MTCL1: variants seen among roughly 807,000 people sequenced by gnomAD.
MTCL1 encodes microtubule crosslinking factor 1, also known as microtubule cross-linking factor 1.
MTCL1 carries 79 observed loss-of-function variants against 141.4 expected under a neutral mutation model. That is an observed-to-expected ratio of 0.56 (90% CI 0.47 to 0.67). The LOEUF is 0.67. MTCL1 is among the 30% of genes least tolerant of loss of function. MTCL1 has a pLI of 0.00. For missense variants in MTCL1, 2,177 were observed against 2,113.9 expected (o/e 1.03, Z -0.59); for synonymous variants, 914 against 875.8 (o/e 1.04, Z -0.77).
At chr18:8,803,903 G>A (rs939310397) in intron 10 of MTCL1, among the ~76,000 whole-genome samples, 9 of 152,208 alleles carry the variant, frequency 5.9e-5, no homozygotes, top group Non-Finnish European at 1.5e-5. Context: ...CTAATGTCAT[G>A]TGGTGTATGG....
intron 4 of MTCL1, among the ~76,000 whole-genome samples, chr18:8,761,563 G>A (rs1001276594): frequency 3.9e-5 from 6 of 152,062 alleles, no homozygotes; most frequent in Admixed American, 3.9e-4. Context: ...TCTATTCTGG[G>A]TATCTCATAT....
At chr18:8,763,402 T>C (rs1380470781) in intron 4 of MTCL1, among the ~76,000 whole-genome samples, 1 of 152,228 alleles carries the variant, frequency 6.6e-6, no homozygotes, top group Non-Finnish European at 1.5e-5. Flanking sequence ...TCTCTCCTCA[T>C]TTTTTCCAAT....
chr18:8,824,796 G>T, exon 15 of MTCL1: 1 of 1,614,166 alleles, frequency 6.2e-7, no homozygotes, highest in Non-Finnish European at 8.5e-7. Flanking sequence ...CAGCAAGGAG[G>T]ATGTCACCCC....
chr18:8,748,381 C>CA (rs2096352259), intron 4 of MTCL1, among the ~76,000 whole-genome samples: 1 of 152,028 alleles, frequency 6.6e-6, no homozygotes, highest in African/African-American at 2.4e-5. Context: ...CCATCTCTAC[C>CA]AAAATTTAAA....
chr18:8,831,792 A>G, exon 17 of MTCL1: 1 of 1,549,674 alleles, frequency 6.5e-7, no homozygotes, highest in Non-Finnish European at 8.7e-7. Flanking sequence ...AGGAGCAGCC[A>G]CACCGAGATG....
At chr18:8,751,806 A>G (rs1171720134) in intron 4 of MTCL1, among the ~76,000 whole-genome samples, 1 of 152,212 alleles carries the variant, frequency 6.6e-6, no homozygotes, top group Non-Finnish European at 1.5e-5. Context: ...AAATGCTCTG[A>G]GTTGGGGCAG....
intron 11 of MTCL1, among the ~76,000 whole-genome samples, chr18:8,811,856 T>C (rs1014425302): frequency 1.3e-5 from 2 of 152,222 alleles, no homozygotes; most frequent in Admixed American, 6.5e-5. Flanking sequence ...TAATGAAATA[T>C]AAGAGATTGC....
At chr18:8,737,692 C>A (rs1471611177) in intron 4 of MTCL1, among the ~76,000 whole-genome samples, 1 of 152,212 alleles carries the variant, frequency 6.6e-6, no homozygotes, top group South Asian at 2.1e-4. Flanking sequence ...GGATAGAGCA[C>A]TGGGTTCGAG....
At chr18:8,806,947 C>T (rs181659600) in exon 11 of MTCL1, 60 of 1,613,754 alleles carry the variant, frequency 3.7e-5, no homozygotes, top group East Asian at 8.9e-5. Context: ...GGAGGACTTC[C>T]GTGCGGAGCT....
chr18:8,722,882 C>T (rs919334897), intron 4 of MTCL1, among the ~76,000 whole-genome samples: 5 of 152,136 alleles, frequency 3.3e-5, no homozygotes, highest in African/African-American at 1.2e-4. Flanking sequence ...CTGTTGCATA[C>T]ATTTAAATGG....
intron 4 of MTCL1, among the ~76,000 whole-genome samples, chr18:8,726,117 A>AC (rs34621525): frequency 0.35 from 52,423 of 151,428 alleles, 9,305 homozygotes; most frequent in Admixed American, 0.47. Context: ...AAGTGAAAAC[A>AC]GATTTAGGAC....
At chr18:8,789,407 T>C in intron 7 of MTCL1, 1 of 985,402 alleles carries the variant, frequency 1.0e-6, no homozygotes, top group Non-Finnish European at 1.2e-6. Context: ...TGCTAGGCAC[T>C]CTAGTGATGG....
At chr18:8,737,855 C>T (rs1446268882) in intron 4 of MTCL1, among the ~76,000 whole-genome samples, 4 of 152,106 alleles carry the variant, frequency 2.6e-5, no homozygotes, top group African/African-American at 7.2e-5. Context: ...TCCAGTTGGC[C>T]GGTGGGCTGG....
At chr18:8,766,676 C>A (rs2096461411) in intron 4 of MTCL1, among the ~76,000 whole-genome samples, 1 of 152,198 alleles carries the variant, frequency 6.6e-6, no homozygotes, top group Non-Finnish European at 1.5e-5. Context: ...TCACATGAAA[C>A]CATGGCTGTT....
At chr18:8,825,211 T>A (rs762957830) in exon 15 of MTCL1, 1 of 1,595,416 alleles carries the variant, frequency 6.3e-7, no homozygotes, top group Middle Eastern at 1.7e-4. Context: ...CCAGAACCCA[T>A]GCTCAGCAGG....
In MTCL1 at chr18:8,773,571, A is replaced by G. The variant is rs78034890; in HGVS notation, c.358-4262A>G. Among the ~76,000 whole-genome samples, 975 of 152,260 alleles carry G rather than the reference A, an allele frequency of 6.4e-3. 11 individuals are homozygous for G. Among genetic ancestry groups the G allele is most frequent in the East Asian group, 0.04 (208 of 5,184 alleles). ...TTTTTAAAAGTTAAAAATCTTACCA[A>G]TCTATCAATCTTTTCTCTGGATGTT... On this transcript the variant is annotated intron_variant, in intron 4 of 16. Transcript: ENST00000359865.
intron 4 of MTCL1, among the ~76,000 whole-genome samples, chr18:8,757,036 C>T (rs958287868): frequency 3.3e-5 from 5 of 152,142 alleles, no homozygotes; most frequent in African/African-American, 1.2e-4. Context: ...GGTAGGGTCC[C>T]CAAAGACTGG....
At chr18:8,793,071 C>T in exon 8 of MTCL1, 1 of 1,614,128 alleles carries the variant, frequency 6.2e-7, no homozygotes, top group South Asian at 1.1e-5. Flanking sequence ...GTGCAGGCGG[C>T]CAGACTGCAT....
At chr18:8,762,104 C>T (rs561827077) in intron 4 of MTCL1, among the ~76,000 whole-genome samples, 1 of 152,262 alleles carries the variant, frequency 6.6e-6, no homozygotes, top group African/African-American at 2.4e-5. Flanking sequence ...GGGTTATTTC[C>T]ACCTTCTGGT....
Sources: allele counts gnomAD v4.1 joint callset (sites outside exome capture counted in the v4.1 genomes callset), GRCh38; gene constraint gnomAD v4.1.1; transcripts MANE v1.5; gene names NCBI Gene and HGNC (gene_info 2026-07-23, HGNC 2026-07-21).